Variants in ZFHX3 observed in about 807,000 individuals in gnomAD.
The protein encoded by ZFHX3 is zinc finger homeobox protein 3.
ZFHX3 carries 42 observed loss-of-function variants against 279.1 expected under a neutral mutation model. The ratio of observed to expected loss-of-function variants is 0.15; its 90% confidence interval spans 0.12 to 0.19. The LOEUF (loss-of-function observed/expected upper bound fraction) is 0.19, where lower values mean the gene tolerates loss of function less well. Among genes scored for constraint, ZFHX3 ranks in the 10% least tolerant of loss-of-function variants. The pLI is 1.00. For missense variants in ZFHX3, 4,981 were observed against 4,754.0 expected (o/e 1.05, Z -1.40); for synonymous variants, 2,293 against 1,957.8 (o/e 1.17, Z -4.52).
intron 5 of ZFHX3, among the ~76,000 whole-genome samples, chr16:73,220,776 G>A (rs1464529596): frequency 6.6e-6 from 1 of 152,024 alleles, no homozygotes; most frequent in East Asian, 1.9e-4. Flanking sequence ...GTGTGTGTGT[G>A]TTTGTGTGTG....
intron 2 of ZFHX3, among the ~76,000 whole-genome samples, chr16:73,577,712 A>C (rs1452806708): frequency 6.6e-6 from 1 of 152,232 alleles, no homozygotes; most frequent in Non-Finnish European, 1.5e-5. Context: ...TCTTCAATAA[A>C]AGAAGGAAAA....
intron 3 of ZFHX3, among the ~76,000 whole-genome samples, chr16:73,333,018 T>C (rs1016467692): frequency 5.3e-5 from 8 of 152,294 alleles, no homozygotes; most frequent in South Asian, 2.1e-4. Flanking sequence ...CCTTGCTCCT[T>C]CCATCTCTCT....
chr16:73,171,962 G>A (rs1349304191), intron 5 of ZFHX3, among the ~76,000 whole-genome samples: 1 of 152,010 alleles, frequency 6.6e-6, no homozygotes, highest in East Asian at 1.9e-4. Context: ...CCATCAATAT[G>A]CACAATGATT....
intron 2 of ZFHX3, among the ~76,000 whole-genome samples, chr16:73,641,358 C>G (rs868000401): frequency 2.6e-5 from 4 of 152,082 alleles, no homozygotes; most frequent in Non-Finnish European, 4.4e-5. Flanking sequence ...GGTCTTGGAG[C>G]AGACCTAGAA....
chr16:73,254,116 C>T (rs889821930), intron 5 of ZFHX3, among the ~76,000 whole-genome samples: 1 of 152,122 alleles, frequency 6.6e-6, no homozygotes, highest in Non-Finnish European at 1.5e-5. Flanking sequence ...ACCAGAACTG[C>T]AGCATTCCAT....
At chr16:73,604,710 A>C (rs1339863226) in intron 2 of ZFHX3, among the ~76,000 whole-genome samples, 4 of 149,926 alleles carry the variant, frequency 2.7e-5, no homozygotes, top group South Asian at 4.3e-4. Flanking sequence ...GGACCACTGC[A>C]CTCCAACCTG....
intron 5 of ZFHX3, among the ~76,000 whole-genome samples, chr16:73,251,473 G>A (rs556207296): frequency 6.6e-6 from 1 of 152,200 alleles, no homozygotes; most frequent in African/African-American, 2.4e-5. Context: ...ACAATTACTA[G>A]CCTATTTTAT....
At chr16:73,527,753 C>T (rs2019720433) in intron 2 of ZFHX3, among the ~76,000 whole-genome samples, 1 of 152,182 alleles carries the variant, frequency 6.6e-6, no homozygotes, top group Non-Finnish European at 1.5e-5. Flanking sequence ...GAATGCATAG[C>T]TCCAGCCACC....
intron 4 of ZFHX3, among the ~76,000 whole-genome samples, chr16:73,287,939 A>T (rs901517649): frequency 1.4e-4 from 22 of 152,040 alleles, no homozygotes; most frequent in Non-Finnish European, 2.5e-4. Flanking sequence ...GAAAACAAAC[A>T]TCCCCATTCA....
chr16:73,558,117 C>G (rs1322942373), intron 2 of ZFHX3, among the ~76,000 whole-genome samples: 5 of 152,170 alleles, frequency 3.3e-5, no homozygotes, highest in Non-Finnish European at 2.9e-5. Context: ...ACTGAAAGCA[C>G]CAGTAGGGAG....
chr16:72,895,312 G>C (rs766657821), intron 3 of ZFHX3, among the ~76,000 whole-genome samples: 1 of 152,136 alleles, frequency 6.6e-6, no homozygotes, highest in Non-Finnish European at 1.5e-5. Context: ...AAAACACAGG[G>C]GCCTCCTAGC....
chr16:73,467,877 G>T (rs2018600333), intron 2 of ZFHX3, among the ~76,000 whole-genome samples: 1 of 152,104 alleles, frequency 6.6e-6, no homozygotes, highest in Non-Finnish European at 1.5e-5. Flanking sequence ...TACCTTTCTG[G>T]GGCTGGGTAA....
At chr16:73,402,647 C>G (rs1453633255) in intron 3 of ZFHX3, among the ~76,000 whole-genome samples, 1 of 152,166 alleles carries the variant, frequency 6.6e-6, no homozygotes, top group Non-Finnish European at 1.5e-5. Flanking sequence ...GCTCATTTTC[C>G]AGCTATGAAA....
intron 1 of ZFHX3, among the ~76,000 whole-genome samples, chr16:73,690,447 T>C (rs2053137762): frequency 6.6e-6 from 1 of 152,198 alleles, no homozygotes; most frequent in Admixed American, 6.5e-5. Flanking sequence ...TCAAAAACTT[T>C]TCAAGGAATT....
intron 7 of ZFHX3, 22 bp from the exon 8 acceptor site, chr16:72,800,151 A>G (rs377326538): frequency 1.6e-5 from 25 of 1,587,784 alleles, no homozygotes; most frequent in Admixed American, 1.7e-5. Flanking sequence ...GAGCAAGGAG[A>G]GTCAAATGGA....
chr16:73,413,742 G>C (rs1199135778), intron 3 of ZFHX3, among the ~76,000 whole-genome samples: 2 of 152,126 alleles, frequency 1.3e-5, no homozygotes, highest in African/African-American at 2.4e-5. Flanking sequence ...TGCATACCTA[G>C]GGGCATTGTT....
At chr16:73,225,038 T>A (rs1567422955) in intron 5 of ZFHX3, among the ~76,000 whole-genome samples, 2 of 152,198 alleles carry the variant, frequency 1.3e-5, no homozygotes, top group Non-Finnish European at 2.9e-5. Flanking sequence ...TTTAAATAGA[T>A]TTAGCCTCAT....
rs189543107 is a variant in ZFHX3, at chr16:73,510,096, G to A, written c.-1546-53838C>T. Among the ~76,000 whole-genome samples, 4 of 152,166 alleles carry A rather than the reference G, an allele frequency of 2.6e-5. No homozygotes were observed. In the East Asian group the frequency reaches 5.8e-4, roughly 22 times the overall value. ...TTTTCCTATGAGCTTGGTGTGGTTG[G>A]CTCCTTCTCGTCATTCTCATCTTGG... On this transcript the variant is annotated intron_variant, in intron 2 of 17. Coordinates refer to the ZFHX3 transcript ENST00000641206.
intron 5 of ZFHX3, among the ~76,000 whole-genome samples, chr16:73,250,683 G>A (rs767651857): frequency 2.6e-5 from 4 of 151,222 alleles, no homozygotes; most frequent in East Asian, 4.0e-4. Context: ...ACAGGTGCCC[G>A]CCACCACGTC....
Sources: gnomAD v4.1 joint callset for allele counts (sites outside exome capture counted in the v4.1 genomes callset) on GRCh38, gnomAD v4.1.1 for gene constraint, MANE v1.5 for transcripts, NCBI Gene and HGNC (gene_info 2026-07-23, HGNC 2026-07-21) for gene names.